SNX4: variants seen among roughly 807,000 people sequenced by gnomAD.
SNX4 encodes sorting nexin 4.
Under a neutral mutation model 70.8 loss-of-function variants are expected in SNX4, and 49 were observed. That is an observed-to-expected ratio of 0.69 (90% CI 0.55 to 0.88). The LOEUF (loss-of-function observed/expected upper bound fraction) is 0.88, where lower values mean the gene tolerates loss of function less well. Among genes scored for constraint, SNX4 ranks in the 40% least tolerant of loss-of-function variants. The pLI is 0.00. For synonymous variants in SNX4, 206 were observed against 183.8 expected, an observed-to-expected ratio of 1.12 and a Z score of -0.98; for missense variants, 528 against 544.8, an observed-to-expected ratio of 0.97 and a Z score of 0.31.
At chr3:125,475,651 C>T (rs559278368) in intron 8 of SNX4, among the ~76,000 whole-genome samples, 1 of 152,328 alleles carries the variant, frequency 6.6e-6, no homozygotes, top group Non-Finnish European at 1.5e-5. Context: ...AGGCATGAGC[C>T]ACCACGCCTG....
chr3:125,495,990 G>A (rs1238058158), intron 5 of SNX4, among the ~76,000 whole-genome samples: 3 of 152,084 alleles, frequency 2.0e-5, no homozygotes, highest in East Asian at 3.8e-4. Flanking sequence ...AATTCTAATT[G>A]TTTCAGTAGA....
chr3:125,456,816 A>T (rs1270018900), intron 11 of SNX4, among the ~76,000 whole-genome samples: 3 of 152,008 alleles, frequency 2.0e-5, no homozygotes, highest in Non-Finnish European at 2.9e-5. Context: ...GTGAGGCACC[A>T]CACCTGGCTA....
At chr3:125,504,234 A>G (rs559880432) in intron 2 of SNX4, among the ~76,000 whole-genome samples, 131 of 151,948 alleles carry the variant, frequency 8.6e-4, no homozygotes, top group African/African-American at 3.0e-3. Context: ...TTGGGAGGCT[A>G]AGGCAGGAGA....
chr3:125,477,426 G>A (rs1293700413), intron 7 of SNX4, among the ~76,000 whole-genome samples: 1 of 152,106 alleles, frequency 6.6e-6, no homozygotes, highest in Non-Finnish European at 1.5e-5. Context: ...AATTTTACAA[G>A]TTAAAACAAA....
intron 6 of SNX4, among the ~76,000 whole-genome samples, chr3:125,482,817 G>C (rs1934444408): frequency 6.6e-6 from 1 of 151,920 alleles, no homozygotes; most frequent in African/African-American, 2.4e-5. Flanking sequence ...ACTCCCCCAG[G>C]GCAGTGTTTT....
intron 1 of SNX4, among the ~76,000 whole-genome samples, chr3:125,513,970 C>T (rs1344149476): frequency 6.6e-6 from 1 of 152,012 alleles, no homozygotes; most frequent in Non-Finnish European, 1.5e-5. Context: ...GGGTCTGCTT[C>T]CTGGTTCACA....
chr3:125,505,382 G>C (rs1935024659), intron 1 of SNX4, among the ~76,000 whole-genome samples: 1 of 152,190 alleles, frequency 6.6e-6, no homozygotes. Context: ...CCACCTAGAC[G>C]ACAACTGCAC....
Position 125,502,105 on chromosome 3 carries a change from A to G in SNX4, c.263+2518T>C, listed in dbSNP as rs1202348238. Among the ~76,000 whole-genome samples the G allele has an allele frequency of 2.0e-5, 3 of 152,222 alleles. No homozygotes were observed. The East Asian group carries it at 5.8e-4, about 29-fold the overall frequency. On this transcript the variant is annotated intron_variant, in intron 2 of 13. Transcript: ENST00000251775. Reference sequence around the variant, plus strand: ...ATATCCTTTTTCATTGTAAACTTAAAATTTACTTAGAAGGCTACAGCTAAC... The same window carrying G: ...ATATCCTTTTTCATTGTAAACTTAAGATTTACTTAGAAGGCTACAGCTAAC...
At chr3:125,519,519 C>T (rs1935351904) in intron 1 of SNX4, among the ~76,000 whole-genome samples, 1 of 152,180 alleles carries the variant, frequency 6.6e-6, no homozygotes, top group South Asian at 2.1e-4. Flanking sequence ...AGGCCAACCA[C>T]CCTTATTGGC....
At chr3:125,489,387 G>A in intron 6 of SNX4, 21 bp downstream of exon 6, 1 of 1,592,952 alleles carries the variant, frequency 6.3e-7, no homozygotes, top group Non-Finnish European at 8.6e-7. Context: ...CATTGTAACT[G>A]TTATTAAAAC....
intron 8 of SNX4, among the ~76,000 whole-genome samples, chr3:125,473,437 A>G (rs1934223074): frequency 6.7e-6 from 1 of 150,166 alleles, no homozygotes; most frequent in Non-Finnish European, 1.5e-5. Context: ...TTTTTTTGAG[A>G]TGGAGTCTTG....
intron 1 of SNX4, among the ~76,000 whole-genome samples, chr3:125,510,956 C>T (rs995636969): frequency 4.9e-4 from 75 of 152,190 alleles, no homozygotes; most frequent in African/African-American, 1.7e-3. Flanking sequence ...TTCGCTCTTA[C>T]CGCCTAGGCT....
intron 1 of SNX4, among the ~76,000 whole-genome samples, chr3:125,509,213 C>T (rs1455092418): frequency 6.6e-6 from 1 of 151,394 alleles, no homozygotes; most frequent in Non-Finnish European, 1.5e-5. Flanking sequence ...ATCTGTAATC[C>T]CAGCTACTCA....
chr3:125,453,496 TTTTA>T (rs10543977), intron 12 of SNX4, among the ~76,000 whole-genome samples: 3,774 of 121,706 alleles, frequency 0.031, 173 homozygotes, highest in African/African-American at 0.099. Context: ...TTTCTTTTAT[TTTTA>T]TTTATTTATT....
intron 8 of SNX4, among the ~76,000 whole-genome samples, chr3:125,474,841 T>TCC (rs11455248): frequency 2.9e-4 from 44 of 151,884 alleles, no homozygotes; most frequent in East Asian, 1.5e-3. Flanking sequence ...TTATGTTAAT[T>TCC]CCCCCCCACA....
intron 1 of SNX4, among the ~76,000 whole-genome samples, chr3:125,515,122 A>T (rs1935245764): frequency 6.6e-6 from 1 of 152,176 alleles, no homozygotes; most frequent in Admixed American, 6.6e-5. Flanking sequence ...CCAAGGCAGG[A>T]GGACTGCTTG....
intron 7 of SNX4, 109 bp downstream of exon 7, chr3:125,480,138 A>G: frequency 1.7e-6 from 1 of 586,378 alleles, no homozygotes; most frequent in Non-Finnish European, 2.8e-6. Flanking sequence ...ATTCAAATGC[A>G]AAAATCAGTT....
intron 9 of SNX4, among the ~76,000 whole-genome samples, chr3:125,463,986 T>TTACTTGA (rs1404070814): frequency 1.3e-5 from 2 of 152,100 alleles, no homozygotes; most frequent in Non-Finnish European, 2.9e-5. Context: ...TGACGGTGGA[T>TTACTTGA]TACTTGAGCC....
At chr3:125,483,082 T>C (rs1934451757) in intron 6 of SNX4, among the ~76,000 whole-genome samples, 1 of 151,714 alleles carries the variant, frequency 6.6e-6, no homozygotes, top group Non-Finnish European at 1.5e-5. Context: ...TACATATATA[T>C]CTGGTTAACC....
Sources: gnomAD v4.1 joint callset for allele counts (sites outside exome capture counted in the v4.1 genomes callset) on GRCh38, gnomAD v4.1.1 for gene constraint, MANE v1.5 for transcripts, NCBI Gene and HGNC (gene_info 2026-07-23, HGNC 2026-07-21) for gene names.